The following COL16A1 variants were observed in gnomAD, a reference collection of about 807,000 sequenced individuals.
The protein encoded by COL16A1 is collagen alpha-1(XVI) chain.
A neutral mutation model predicts 266.3 loss-of-function variants in COL16A1; 189 were observed. The ratio of observed to expected loss-of-function variants is 0.71; its 90% CI spans 0.63 to 0.80. The LOEUF is 0.80. COL16A1 is among the 30% of genes least tolerant of loss of function. The pLI, the probability that COL16A1 is intolerant of heterozygous loss-of-function variation, is 0.00. For synonymous variants in COL16A1, 740 were observed against 782.3 expected (o/e 0.95, Z 0.90); for missense variants, 1,928 against 2,122.4 (o/e 0.91, Z 1.80).
chr1:31,656,906 G>T lies in COL16A1; in HGVS notation c.4056+127C>A. 2 of 1,354,792 alleles carry T rather than the reference G, an allele frequency of 1.5e-6. No homozygotes were observed. Among genetic ancestry groups the T allele is most frequent in the Non-Finnish European group, 1.0e-6 (1 of 953,202 alleles). The allele number at this position is 1,354,792 out of a possible 1,614,324, so 83.9% of individuals were successfully genotyped here. A position where few individuals can be genotyped will look rare whatever the true frequency, so the allele number is the denominator to read the frequency against. On this transcript the variant is annotated intron_variant, in intron 65 of 70. Coordinates refer to ENST00000373672, the MANE Select transcript of COL16A1 (RefSeq NM_001856.4). This position sits in a 1 kb window ranked among gnomAD's most constrained non-coding sequence, Gnocchi z 4.2. ...TAATTCCTCTCCCCAGGACAACAGG[G>T]TTAACAATTTCCAGAGACAGCCCGT...
In COL16A1 at chr1:31,688,566, G is replaced by A; in HGVS notation, c.1768-64C>T. The stretch of plus-strand genomic sequence containing the variant: ...CTCCCACCTCTCCAAGGCTCCCCGG[G>A]TCCCAGTGTCCAACCAGAAACAGAA... On this transcript the variant is annotated intron_variant, in intron 25 of 70. Transcript: ENST00000373672. The surrounding 1 kb of genome is among the most constrained non-coding windows in gnomAD (Gnocchi z 4.9). 6.3e-7 allele frequency: 1 copy of A among 1,598,530 alleles called. No individual in the cohort carries two copies. Among genetic ancestry groups the A allele is most frequent in the Non-Finnish European group, 8.6e-7 (1 of 1,166,000 alleles).
Position 31,656,791 on chromosome 1 carries a change from G to A in COL16A1, c.4056+242C>T. The stretch of plus-strand genomic sequence containing the variant: ...TATTATTATCATTATTATTGTTGTT[G>A]TTGTTGTTTCTTTTTGACCAGGTAC... On this transcript the variant is annotated intron_variant, in intron 65 of 70. Transcript: ENST00000373672. The surrounding 1 kb of genome is among the most constrained non-coding windows in gnomAD (Gnocchi z 4.2). 2 of 544,940 alleles carry A rather than the reference G, an allele frequency of 3.7e-6. No individual in the cohort carries two copies. Among genetic ancestry groups the A allele is most frequent in the Non-Finnish European group, 6.3e-6 (2 of 315,266 alleles). The allele number at this position is 544,940 out of a possible 1,614,324, so 33.8% of individuals were successfully genotyped here. A position where few individuals can be genotyped will look rare whatever the true frequency, so the allele number is the denominator to read the frequency against.
At chr1:31,682,660 G>A (rs1346552149) in intron 37 of COL16A1, among the ~76,000 whole-genome samples, 2 of 152,234 alleles carry the variant, frequency 1.3e-5, no homozygotes, top group African/African-American at 4.8e-5. Context: ...TTCCCTTACA[G>A]GGCTGATGTG....
rs760065861 is a variant in COL16A1 at position 31,684,649 on chromosome 1, A to G, written c.2053-19T>C. On this transcript the variant is annotated intron_variant, in intron 30 of 70. Transcript: ENST00000373672. ...CATCACCCTGTAAGGAGTGGGGTTC[A>G]AGGAAAGCAAGGATGGCCCAGCCGG... 6.2e-7 allele frequency: 1 copy of G among 1,611,776 alleles called. No individual in the cohort carries two copies. The highest frequency in any genetic ancestry group is 8.5e-7 in the Non-Finnish European group (1 of 1,178,528).
intron 11 of COL16A1, among the ~76,000 whole-genome samples, chr1:31,694,504 A>G (rs1241484945): frequency 6.6e-6 from 1 of 152,156 alleles, no homozygotes; most frequent in Non-Finnish European, 1.5e-5. Context: ...GGGGGACTGG[A>G]TTGAAAGAGG....
At position 31,685,697 on chromosome 1, in the gene COL16A1, C is replaced by T. The variant is rs748609739; in HGVS notation, c.1958G>A (p.Gly653Asp). The change falls in exon 29 of 71, where the codon GGC (glycine) becomes GAC (aspartate). Residue 653 changes from glycine (G) to aspartate (D), a missense_variant. Physicochemically the swap from Gly to Asp is moderately conservative, Grantham distance 94. This residue lies in a region of COL16A1 where 1,552 missense variants were observed against 1,637.2 expected (regional missense o/e 0.95). Coordinates refer to ENST00000373672, the MANE Select transcript of COL16A1 (RefSeq NM_001856.4). This position sits in a 1 kb window ranked among gnomAD's most constrained non-coding sequence, Gnocchi z 4.0. Reference protein sequence around the residue: ...DGDVRVVALPGPSGEKGEPGP... With the variant: ...DGDVRVVALPDPSGEKGEPGP... ...AGGTTCCCCCTTCTCTCCGGATGGG[C>T]CAGGCAAGGCCACCACACGGACATC... 2.8e-5 allele frequency: 45 copies of T among 1,614,034 alleles called. No individual in the cohort carries two copies. In the South Asian group the frequency reaches 3.4e-4, roughly 12 times the overall value.
rs1642362920 is a variant in COL16A1 at position 31,668,675 on chromosome 1, G to A, written c.3249+127C>T. The A allele has an allele frequency of 2.0e-6, 2 of 1,019,082 alleles. No homozygotes were observed. The highest frequency in any genetic ancestry group is 3.0e-6 in the Non-Finnish European group (2 of 656,322). The allele number at this position is 1,019,082 out of a possible 1,614,324, so 63.1% of individuals were successfully genotyped here. On this transcript the variant is annotated intron_variant, in intron 50 of 70. Coordinates refer to ENST00000373672, the MANE Select transcript of COL16A1 (RefSeq NM_001856.4). The surrounding 1 kb of genome is among the most constrained non-coding windows in gnomAD (Gnocchi z 5.8). The stretch of plus-strand genomic sequence containing the variant: ...CACACTGAGGGAATCCCGGCAGAAG[G>A]GCAGAGAGTCTCAAGGAGTCCACCT...
Position 31,656,237 on chromosome 1 carries a change from C to T in COL16A1, c.4101+163G>A. The T allele has an allele frequency of 2.6e-6, 3 of 1,149,996 alleles. No homozygotes were observed. The highest frequency in any genetic ancestry group is 3.7e-6 in the Non-Finnish European group (3 of 812,404). 71.2% of individuals were successfully genotyped at this position (1,149,996 alleles called of 1,614,324 possible). On this transcript the variant is annotated intron_variant, in intron 66 of 70. Coordinates refer to ENST00000373672, the MANE Select transcript of COL16A1 (RefSeq NM_001856.4). The surrounding 1 kb of genome is among the most constrained non-coding windows in gnomAD (Gnocchi z 4.2). ...TCCCCCCAACCACAGCTAATGACCC[C>T]ATGTGAGAAATTTTCAGACACTATC...
rs757565937 is a variant in COL16A1 at position 31,667,665 on chromosome 1, C to G, written c.3304-37G>C. ...CAAAGAGACAGTGGAATTAGCCCCA[C>G]AGAATTAGTCCGTCACGGCACTAAT... On this transcript the variant is annotated intron_variant, in intron 51 of 70. Coordinates refer to ENST00000373672, the MANE Select transcript of COL16A1 (RefSeq NM_001856.4). 5.1e-6 allele frequency: 8 copies of G among 1,572,574 alleles called. No homozygotes were observed. In the South Asian group the frequency reaches 9.2e-5, roughly 18 times the overall value.
chr1:31,692,172 G>C lies in COL16A1; in HGVS notation c.1195-105C>G, dbSNP rs1380036000. ...ACTGCCTTCTAGACCCCTGGTCTCT[G>C]TCTCCCCTGAGGGTGAATGGCTTCA... is the stretch of plus-strand genomic sequence containing the variant. On this transcript the variant is annotated intron_variant, in intron 16 of 70. Coordinates refer to ENST00000373672, the MANE Select transcript of COL16A1 (RefSeq NM_001856.4). The C allele has an allele frequency of 3.3e-6, 5 of 1,534,190 alleles. No homozygotes were observed. In the East Asian group the frequency reaches 1.1e-4, roughly 35 times the overall value.
At position 31,689,889 on chromosome 1, in the gene COL16A1, G is replaced by T. The variant is rs759778961; in HGVS notation, c.1510-38C>A. Reference sequence around the variant, plus strand: ...AGAGGCAGTATGTGGACAGGGTGGGGCTGAGACCCCAGGGAAGGCAAGGGG... The same window carrying T: ...AGAGGCAGTATGTGGACAGGGTGGGTCTGAGACCCCAGGGAAGGCAAGGGG... On this transcript the variant is annotated intron_variant, in intron 22 of 70. Transcript: ENST00000373672. 5 of 1,588,328 alleles carry T rather than the reference G, an allele frequency of 3.1e-6. 1 individual carries two copies. In the South Asian group the frequency reaches 4.4e-5, roughly 14 times the overall value.
At position 31,668,896 on chromosome 1, in the gene COL16A1, T is replaced by A. The variant is rs773718154; in HGVS notation, c.3196-41A>T. On this transcript the variant is annotated intron_variant, in intron 49 of 70. Coordinates refer to ENST00000373672, the MANE Select transcript of COL16A1 (RefSeq NM_001856.4). This position sits in a 1 kb window ranked among gnomAD's most constrained non-coding sequence, Gnocchi z 5.8. ...CATGAGAAACTGCAGGAGCCGGCGG[T>A]CCCCACCCAGCCCCTGACTCCTTCC... is the stretch of plus-strand genomic sequence containing the variant. 6.4e-7 allele frequency: 1 copy of A among 1,569,834 alleles called. No homozygotes were observed. The highest frequency in any genetic ancestry group is 8.7e-7 in the Non-Finnish European group (1 of 1,150,180).
chr1:31,697,350 G>T lies in COL16A1; in HGVS notation c.658-50C>A. 6.5e-7 allele frequency: 1 copy of T among 1,530,004 alleles called. No individual in the cohort carries two copies. The highest frequency in any genetic ancestry group is 8.9e-7 in the Non-Finnish European group (1 of 1,128,022). 94.8% of individuals were successfully genotyped at this position (1,530,004 alleles called of 1,614,324 possible). A position where few individuals can be genotyped will look rare whatever the true frequency, so the allele number is the denominator to read the frequency against. On this transcript the variant is annotated intron_variant, in intron 6 of 70. Coordinates refer to ENST00000373672, the MANE Select transcript of COL16A1 (RefSeq NM_001856.4). The surrounding 1 kb of genome is among the most constrained non-coding windows in gnomAD (Gnocchi z 4.2). ...TCACTTCATTTTATCAAATAGCTCTGTGTCCTGGCCCCCCAGGAGGCACAG... is the reference window on the plus strand; with the variant it reads ...TCACTTCATTTTATCAAATAGCTCTTTGTCCTGGCCCCCCAGGAGGCACAG...
intron 68 of COL16A1, among the ~76,000 whole-genome samples, 180 bp from the exon 69 acceptor site, chr1:31,654,223 C>T (rs1267250379): frequency 6.6e-6 from 1 of 152,210 alleles, no homozygotes; most frequent in Non-Finnish European, 1.5e-5. Context: ...CTGGCCTCCA[C>T]GTCGCTCCCC....
intron 28 of COL16A1, 59 bp downstream of exon 28, chr1:31,686,032 C>G (rs752834826): frequency 2.7e-5 from 44 of 1,603,690 alleles, no homozygotes; most frequent in Non-Finnish European, 5.1e-6. Flanking sequence ...TCGAGCAAGA[C>G]GAGTGTCTAT....
Position 31,675,041 on chromosome 1 carries a change from T to A in COL16A1, c.2827-2A>T, listed in dbSNP as rs746455347. 6.2e-7 allele frequency: 1 copy of A among 1,613,262 alleles called. No individual in the cohort carries two copies. Among genetic ancestry groups the A allele is most frequent in the South Asian group, 1.1e-5 (1 of 90,808 alleles). On this transcript the variant is annotated splice_acceptor_variant, in intron 43 of 70. Coordinates refer to ENST00000373672, the MANE Select transcript of COL16A1 (RefSeq NM_001856.4). LOFTEE classifies it high-confidence loss of function. ...GTGCTGTTCAATTGGTAAGGATCCC[T>A]GCAAGAGACAGATGTGTGGGCTCAA...
At chr1:31,665,111 C>T (rs928077593) in intron 56 of COL16A1, 61 bp downstream of exon 56, 5 of 1,583,120 alleles carry the variant, frequency 3.2e-6, no homozygotes, top group Non-Finnish European at 4.3e-6. Context: ...AGGGGTGGGA[C>T]AGGGGCATGG....
chr1:31,661,279 G>A, intron 60 of COL16A1, 135 bp downstream of exon 60: 1 of 1,517,742 alleles, frequency 6.6e-7, no homozygotes, highest in South Asian at 1.2e-5. Flanking sequence ...GACCCAGTCT[G>A]CCAGGCACCA....
chr1:31,660,503 G>A (rs912651338), intron 62 of COL16A1, 82 bp downstream of exon 62: 1 of 1,574,750 alleles, frequency 6.4e-7, no homozygotes, highest in African/African-American at 1.3e-5. Flanking sequence ...GTTCTCTCAG[G>A]TCATGACAGC....
Sources: allele counts gnomAD v4.1 joint callset (sites outside exome capture counted in the v4.1 genomes callset), GRCh38; gene constraint gnomAD v4.1.1; regional missense constraint gnomAD v4.1.1; non-coding constraint Gnocchi (gnomAD v3.1); transcripts MANE v1.5; gene names NCBI Gene and HGNC (gene_info 2026-07-23, HGNC 2026-07-21).